The following CEP162 variants were observed in gnomAD, a reference collection of about 807,000 sequenced individuals.
CEP162 encodes centrosomal protein 162.
CEP162 carries 141 observed loss-of-function variants against 169.2 expected under a neutral mutation model. That is an observed-to-expected ratio of 0.83 (90% CI 0.73 to 0.96). The LOEUF (loss-of-function observed/expected upper bound fraction) is 0.96. Among genes scored for constraint, CEP162 ranks in the 40% least tolerant of loss-of-function variants. CEP162 has a pLI of 0.00. For missense variants in CEP162, 1,600 were observed against 1,587.2 expected, an observed-to-expected ratio of 1.01 and a Z score of -0.14; for synonymous variants, 540 against 526.4, an observed-to-expected ratio of 1.03 and a Z score of -0.35.
intron 3 of CEP162, among the ~76,000 whole-genome samples, chr6:84,217,375 G>A (rs140325829): frequency 4.9e-4 from 74 of 152,352 alleles, no homozygotes; most frequent in Middle Eastern, 6.8e-3. Flanking sequence ...GGCTTTCACT[G>A]AGAAGTTAAC....
At chr6:84,143,519 AG>A (rs1353253210) in intron 25 of CEP162, among the ~76,000 whole-genome samples, 4 of 151,990 alleles carry the variant, frequency 2.6e-5, no homozygotes, top group Non-Finnish European at 5.9e-5. Flanking sequence ...GTTTTCGTTA[AG>A]GGAAAAAATA....
At chr6:84,148,392 G>A (rs1161237891) in intron 24 of CEP162, among the ~76,000 whole-genome samples, 1 of 152,042 alleles carries the variant, frequency 6.6e-6, no homozygotes, top group Non-Finnish European at 1.5e-5. Flanking sequence ...AGTCAGGCAT[G>A]GTGGCGTGCA....
intron 15 of CEP162, among the ~76,000 whole-genome samples, chr6:84,174,503 A>T (rs1247648565): frequency 4.6e-5 from 7 of 152,172 alleles, no homozygotes; most frequent in Non-Finnish European, 1.0e-4. Context: ...TAACAGAAGA[A>T]AACCATAAAA....
intron 2 of CEP162, 136 bp downstream of exon 2, chr6:84,226,200 GA>G: frequency 3.2e-6 from 2 of 627,746 alleles, no homozygotes; most frequent in Non-Finnish European, 2.8e-6. Flanking sequence ...AGCAGTGGCA[GA>G]AAAGGGACAG....
At position 84,186,466 on chromosome 6, in the gene CEP162, T is replaced by C. The variant is rs2099537175; in HGVS notation, c.1267A>G (p.Met423Val). Residue 423 changes from methionine (M) to valine (V), a missense_variant, in exon 12 of 27, where the codon ATG (methionine) becomes GTG (valine). Transcript: ENST00000403245. ...VILQKTTNES[M>V]ENSCPQVTEV... Reference sequence around the variant, plus strand: ...GTTACTTGTGGACAGCTGTTTTCCATACTCTCATTTGTGGTCTTTTGTAAA... The same window carrying C: ...GTTACTTGTGGACAGCTGTTTTCCACACTCTCATTTGTGGTCTTTTGTAAA... 2 of 1,613,166 alleles carry C rather than the reference T, an allele frequency of 1.2e-6. No homozygotes were observed. The highest frequency in any genetic ancestry group is 1.7e-5 in the Admixed American group (1 of 59,998).
chr6:84,201,025 T>A, intron 8 of CEP162, 120 bp from the exon 9 acceptor site: 5 of 471,386 alleles, frequency 1.1e-5, no homozygotes, highest in Non-Finnish European at 1.9e-5. Context: ...ACGCCTGTAA[T>A]CCCAGCACTT....
chr6:84,175,059 T>C (rs2099531866), intron 14 of CEP162, 105 bp from the exon 15 acceptor site: 2 of 931,946 alleles, frequency 2.1e-6, no homozygotes, highest in Non-Finnish European at 3.1e-6. Flanking sequence ...AATAATGTTC[T>C]ATTATATAAG....
In CEP162 at chr6:84,219,298, C is replaced by T. The variant is rs139476800; in HGVS notation, c.172+1759G>A. The T allele has an allele frequency of 2.5e-3, 1,195 of 474,724 alleles. 11 individuals are homozygous for T. Among genetic ancestry groups the T allele is most frequent in the African/African-American group, 0.022 (1,090 of 49,132 alleles). The allele number at this position is 474,724 out of a possible 1,614,324, so 29.4% of individuals were successfully genotyped here. ...TATTCCCGTGGGCAGGGAAACCTCC[C>T]GCTGTTTAAGCTGACATTGTCAAAG... On this transcript the variant is annotated intron_variant, in intron 3 of 26. Coordinates refer to ENST00000403245, the MANE Select transcript of CEP162 (RefSeq NM_014895.4).
chr6:84,206,398 C>G (rs982426960), intron 6 of CEP162, among the ~76,000 whole-genome samples: 1 of 151,952 alleles, frequency 6.6e-6, no homozygotes, highest in African/African-American at 2.4e-5. Context: ...CAGAACAGAG[C>G]CCTCAGAAAT....
At chr6:84,194,636 T>C (rs1033755063) in intron 10 of CEP162, among the ~76,000 whole-genome samples, 5 of 151,986 alleles carry the variant, frequency 3.3e-5, no homozygotes, top group African/African-American at 9.7e-5. Context: ...GTATTTTTAG[T>C]AGAGATGGGG....
intron 2 of CEP162, among the ~76,000 whole-genome samples, chr6:84,226,136 G>T (rs1167431246): frequency 1.3e-5 from 2 of 152,036 alleles, no homozygotes; most frequent in African/African-American, 4.8e-5. Flanking sequence ...AGGAATGCTG[G>T]ACCATGAGTT....
chr6:84,143,609 G>A (rs570190269), intron 25 of CEP162, among the ~76,000 whole-genome samples: 2 of 151,994 alleles, frequency 1.3e-5, no homozygotes, highest in African/African-American at 4.8e-5. Flanking sequence ...ATGAATGAAT[G>A]TAGAAGCTTG....
At chr6:84,165,121 C>T (rs9294292) in intron 18 of CEP162, among the ~76,000 whole-genome samples, 9,808 of 151,626 alleles carry the variant, frequency 0.065, 1,015 homozygotes, top group African/African-American at 0.22. Context: ...AGTTTCCTCC[C>T]TCACTTCATC....
In CEP162 at chr6:84,152,598, T is replaced by C. The variant is rs143512455; in HGVS notation, c.3576A>G (p.Glu1192=). Residue 1192 remains glutamate (E), a synonymous_variant, in exon 23 of 27, where the codon GAA becomes GAG. Coordinates refer to ENST00000403245, the MANE Select transcript of CEP162 (RefSeq NM_014895.4). ...TCACTGCTTCAGATTTCATCTTCAG[T>C]TCATTCTTCTCTGAAATTAATCCTT... ...ELEGLISEKN[E]LKMKSEAVMN... 2.5e-4 allele frequency: 392 copies of C among 1,554,066 alleles called. 2 individuals carry two copies. In the African/African-American group the frequency reaches 4.7e-3, roughly 18 times the overall value.
intron 14 of CEP162, 101 bp downstream of exon 14, chr6:84,175,113 G>A (rs1370101704): frequency 2.2e-6 from 2 of 925,436 alleles, no homozygotes; most frequent in Non-Finnish European, 3.1e-6. Flanking sequence ...TCACTCAAAG[G>A]AAAAGACATT....
intron 1 of CEP162, among the ~76,000 whole-genome samples, 193 bp from the exon 2 acceptor site, chr6:84,226,645 T>C (rs1466276260): frequency 1.3e-5 from 2 of 152,244 alleles, no homozygotes. Flanking sequence ...GGATGTCTTG[T>C]ACTCAACGTT....
chr6:84,225,456 A>C (rs1248241916), intron 2 of CEP162, among the ~76,000 whole-genome samples: 1 of 152,242 alleles, frequency 6.6e-6, no homozygotes, highest in African/African-American at 2.4e-5. Context: ...CCCCATTATA[A>C]TCTTACGGAA....
intron 21 of CEP162, 31 bp from the exon 22 acceptor site, chr6:84,155,541 C>G (rs1209724603): frequency 7.1e-7 from 1 of 1,416,892 alleles, no homozygotes; most frequent in Non-Finnish European, 9.8e-7. Context: ...CCAAAGAACA[C>G]TTAGATTTAA....
At chr6:84,133,522 G>A (rs1350567912) in intron 25 of CEP162, among the ~76,000 whole-genome samples, 3 of 152,112 alleles carry the variant, frequency 2.0e-5, no homozygotes, top group Admixed American at 6.5e-5. Flanking sequence ...CCCAGTTTGA[G>A]CTTCCTGGCC....
Sources: gnomAD v4.1 joint callset for allele counts (sites outside exome capture counted in the v4.1 genomes callset) on GRCh38, gnomAD v4.1.1 for gene constraint, MANE v1.5 for transcripts, NCBI Gene and HGNC (gene_info 2026-07-23, HGNC 2026-07-21) for gene names.